Variants in FAM135B observed in about 807,000 individuals in gnomAD.
FAM135B encodes the protein protein FAM135B.
FAM135B carries 43 observed loss-of-function variants against 127.7 expected under a neutral mutation model. The observed-to-expected ratio is 0.34, with a 90% CI of 0.26 to 0.43. The LOEUF (loss-of-function observed/expected upper bound fraction) is 0.43, where lower values mean the gene tolerates loss of function less well. Ranked by LOEUF, FAM135B falls within the 20% of genes least tolerant of loss-of-function variation. FAM135B has a pLI of 1.00. For synonymous variants in FAM135B, 670 were observed against 665.1 expected (o/e 1.01, Z -0.11); for missense variants, 1,558 against 1,725.6 (o/e 0.90, Z 1.72).
chr8:138,188,987 T>G (rs189692621), intron 9 of FAM135B, among the ~76,000 whole-genome samples: 3,147 of 141,230 alleles, frequency 0.022, 99 homozygotes, highest in African/African-American at 0.088. Flanking sequence ...CTGGAACTGC[T>G]GCCCAAAGTA....
At chr8:138,392,036 G>T (rs548221219) in intron 1 of FAM135B, among the ~76,000 whole-genome samples, 2 of 152,234 alleles carry the variant, frequency 1.3e-5, no homozygotes, top group Admixed American at 1.3e-4. Flanking sequence ...GCAGGGTAAG[G>T]CATAAGACTC....
At chr8:138,333,086 A>G (rs1261973707) in intron 2 of FAM135B, among the ~76,000 whole-genome samples, 1 of 152,194 alleles carries the variant, frequency 6.6e-6, no homozygotes, top group Non-Finnish European at 1.5e-5. Flanking sequence ...ATGTTATTAA[A>G]TCAAAGGAGA....
At chr8:138,330,630 T>C (rs1828100305) in intron 2 of FAM135B, among the ~76,000 whole-genome samples, 1 of 151,950 alleles carries the variant, frequency 6.6e-6, no homozygotes, top group Admixed American at 6.6e-5. Flanking sequence ...ATGAAGGAAG[T>C]CAACTCACAG....
At chr8:138,438,591 T>C (rs1835593021) in intron 1 of FAM135B, 1 of 152,150 alleles carries the variant, frequency 6.6e-6, no homozygotes, top group Admixed American at 6.5e-5. Flanking sequence ...CTGGGTTCAA[T>C]TTTGAATACA....
At chr8:138,280,985 G>C (rs1824222711) in intron 3 of FAM135B, among the ~76,000 whole-genome samples, 1 of 152,090 alleles carries the variant, frequency 6.6e-6, no homozygotes, top group Non-Finnish European at 1.5e-5. Context: ...CGGGGGTGGA[G>C]GCTTTAGCAT....
At chr8:138,491,870 G>A (rs533354677) in intron 1 of FAM135B, among the ~76,000 whole-genome samples, 1 of 152,346 alleles carries the variant, frequency 6.6e-6, no homozygotes, top group African/African-American at 2.4e-5. Flanking sequence ...GTCCCAGGAG[G>A]AGGGAGTAGC....
intron 3 of FAM135B, among the ~76,000 whole-genome samples, chr8:138,288,230 A>C (rs1368771536): frequency 6.6e-6 from 1 of 152,226 alleles, no homozygotes; most frequent in African/African-American, 2.4e-5. Context: ...CAACAAGAGA[A>C]GATGGTGGTG....
At chr8:138,324,626 A>G (rs1827676060) in intron 2 of FAM135B, among the ~76,000 whole-genome samples, 1 of 152,206 alleles carries the variant, frequency 6.6e-6, no homozygotes, top group Non-Finnish European at 1.5e-5. Flanking sequence ...CCGCTCCTAG[A>G]TCATCTCATG....
chr8:138,460,957 CATACAGCCAAA>C (rs1415976950), intron 1 of FAM135B, among the ~76,000 whole-genome samples: 2 of 152,152 alleles, frequency 1.3e-5, no homozygotes, highest in Non-Finnish European at 2.9e-5. Flanking sequence ...GGCCTGGCAT[CATACAGCCAAA>C]GCTCCTGTAT....
chr8:138,487,368 G>A (rs948092847), intron 1 of FAM135B, among the ~76,000 whole-genome samples: 11 of 151,866 alleles, frequency 7.2e-5, no homozygotes, highest in Non-Finnish European at 1.0e-4. Flanking sequence ...TTTTTTCTGA[G>A]AAGAGTGGCT....
At chr8:138,272,121 G>A (rs1260459985) in intron 3 of FAM135B, among the ~76,000 whole-genome samples, 2 of 151,898 alleles carry the variant, frequency 1.3e-5, no homozygotes, top group African/African-American at 2.4e-5. Flanking sequence ...AAACAATGAT[G>A]AGGAATCTTA....
intron 1 of FAM135B, among the ~76,000 whole-genome samples, chr8:138,378,395 G>T (rs893916016): frequency 6.6e-6 from 1 of 152,196 alleles, no homozygotes; most frequent in Non-Finnish European, 1.5e-5. Flanking sequence ...ATCTCTCTGT[G>T]CCTCAGTTTC....
intron 2 of FAM135B, among the ~76,000 whole-genome samples, chr8:138,317,837 G>A (rs1276544052): frequency 1.3e-5 from 2 of 152,214 alleles, no homozygotes. Flanking sequence ...CCCAGTGGAA[G>A]CACATTTACA....
intron 1 of FAM135B, among the ~76,000 whole-genome samples, chr8:138,461,179 G>T (rs935304020): frequency 6.6e-6 from 1 of 152,046 alleles, no homozygotes; most frequent in African/African-American, 2.4e-5. Context: ...ATACTCTTAC[G>T]TTAAGCTGAC....
chr8:138,308,299 G>C (rs1826412674), intron 3 of FAM135B, among the ~76,000 whole-genome samples: 1 of 152,316 alleles, frequency 6.6e-6, no homozygotes, highest in East Asian at 1.9e-4. Context: ...ATCCTCAGCT[G>C]AGATCTCAGC....
intron 1 of FAM135B, among the ~76,000 whole-genome samples, chr8:138,373,397 G>A (rs1831266592): frequency 6.6e-6 from 1 of 150,966 alleles, no homozygotes; most frequent in Non-Finnish European, 1.5e-5. Context: ...GATTTCCTAT[G>A]CCTGTCTTTA....
chr8:138,151,805 G>A lies in FAM135B; in HGVS notation c.2670C>T (p.Asn890=). 2 of 1,614,128 alleles carry A rather than the reference G, an allele frequency of 1.2e-6. No homozygotes were observed. Among genetic ancestry groups the A allele is most frequent in the Non-Finnish European group, 1.7e-6 (2 of 1,180,028 alleles). The part of the protein sequence containing the change: ...LKIPRVIALE[N]PRTRSLHRAL... ...CTCTATGAAGAGATCTGGTCCTGGG[G>A]TTTTCAAGTGCTATGACGCGTGGTA... The change falls in exon 13 of 20, where the codon AAC becomes AAT. Residue 890 remains asparagine (N), a synonymous_variant. Coordinates refer to ENST00000395297, the MANE Select transcript of FAM135B (RefSeq NM_015912.4).
At chr8:138,448,891 C>G (rs887592533) in intron 1 of FAM135B, among the ~76,000 whole-genome samples, 4 of 151,608 alleles carry the variant, frequency 2.6e-5, no homozygotes, top group African/African-American at 9.7e-5. Flanking sequence ...GAGAGAAAAC[C>G]AGGATTTAAA....
At chr8:138,306,946 A>G (rs1826307903) in intron 3 of FAM135B, among the ~76,000 whole-genome samples, 1 of 152,200 alleles carries the variant, frequency 6.6e-6, no homozygotes, top group African/African-American at 2.4e-5. Flanking sequence ...TGCTGGTCAC[A>G]GTCTTGGTCC....
Sources: allele counts gnomAD v4.1 joint callset (sites outside exome capture counted in the v4.1 genomes callset), GRCh38; gene constraint gnomAD v4.1.1; transcripts MANE v1.5; gene names NCBI Gene and HGNC (gene_info 2026-07-23, HGNC 2026-07-21).